PTPRQ: variants seen among roughly 807,000 people sequenced by gnomAD.
PTPRQ encodes protein tyrosine phosphatase receptor type Q.
A neutral mutation model predicts 246.0 loss-of-function variants in PTPRQ; 199 were observed. That is an observed-to-expected ratio of 0.81 (90% confidence interval 0.72 to 0.91). The LOEUF (loss-of-function observed/expected upper bound fraction) is 0.91. Ranked by LOEUF, PTPRQ falls within the 40% of genes least tolerant of loss-of-function variation. The pLI, the probability that PTPRQ is intolerant of heterozygous loss-of-function variation, is 0.00. For missense variants in PTPRQ, 2,624 were observed against 2,528.4 expected (o/e 1.04, Z -0.81); for synonymous variants, 869 against 853.2 (o/e 1.02, Z -0.32).
At chr12:80,598,290 A>T (rs1454880902) in intron 26 of PTPRQ, among the ~76,000 whole-genome samples, 1 of 152,038 alleles carries the variant, frequency 6.6e-6, no homozygotes, top group Non-Finnish European at 1.5e-5. Context: ...TATTTCCTAC[A>T]CTGACAGTGG....
At chr12:80,641,911 C>T (rs951382953) in intron 35 of PTPRQ, among the ~76,000 whole-genome samples, 1 of 151,538 alleles carries the variant, frequency 6.6e-6, no homozygotes, top group African/African-American at 2.4e-5. Context: ...CTCTCTCTTT[C>T]TCTCCCTCCT....
Position 80,588,205 on chromosome 12 carries a change from C to T in PTPRQ, c.4362C>T (p.Asp1454=). The change falls in exon 26 of 45, where the codon GAC becomes GAT. Residue 1454 remains aspartate, a synonymous_variant. Coordinates refer to ENST00000644991, the MANE Select transcript of PTPRQ (RefSeq NM_001145026.2). ...CAACATTGACATGGATAAGACCTGA[C>T]ACTATCCTTGGCTACTTTCAAAATT... ...TSATLTWIRP[D]TILGYFQNYK... is the part of the protein sequence containing the mutation. 6.4e-7 allele frequency: 1 copy of T among 1,551,562 alleles called. No individual in the cohort carries two copies. Among genetic ancestry groups the T allele is most frequent in the Non-Finnish European group, 8.7e-7 (1 of 1,146,902 alleles).
At position 80,619,396 on chromosome 12, in the gene PTPRQ, CA is replaced by C; in HGVS notation, c.5248del (p.Thr1750ProfsTer15). 1 of 1,546,936 alleles carries C rather than the reference CA, an allele frequency of 6.5e-7. No homozygotes were observed. The highest frequency in any genetic ancestry group is 8.7e-7 in the Non-Finnish European group (1 of 1,144,104). ...ITMDIKAPAR[P>X]KTKPTPIYDA... is the part of the protein sequence containing the mutation. The stretch of plus-strand genomic sequence containing the variant: ...TCTTTGTTTATAGCTCCAGCACGAC[CA>C]AAAACCAAACCAACCCCTATTTATG... On this transcript the variant is annotated frameshift_variant, in exon 31 of 45. Transcript: ENST00000644991. LOFTEE classifies it high-confidence loss of function.
At chr12:80,531,509 T>C (rs1895842554) in intron 17 of PTPRQ, among the ~76,000 whole-genome samples, 1 of 152,130 alleles carries the variant, frequency 6.6e-6, no homozygotes, top group Non-Finnish European at 1.5e-5. Context: ...AGCTTCAGGA[T>C]TGCTCAGAAG....
At chr12:80,566,464 C>T (rs1046990762) in intron 25 of PTPRQ, among the ~76,000 whole-genome samples, 5 of 151,664 alleles carry the variant, frequency 3.3e-5, no homozygotes, top group African/African-American at 1.2e-4. Context: ...GGGGACAGAG[C>T]GAGACTCCAT....
At position 80,642,060 on chromosome 12, in the gene PTPRQ, C is replaced by T. The variant is rs1382079002; in HGVS notation, c.5916-6837C>T. On this transcript the variant is annotated intron_variant, in intron 35 of 44. Transcript: ENST00000644991. ...TTTCCTAGAATCAGTGACTAGTACCCTGCTCAATCAGAGCCCTTACCCTGA... is the reference window on the plus strand; with the variant it reads ...TTTCCTAGAATCAGTGACTAGTACCTTGCTCAATCAGAGCCCTTACCCTGA... Among the ~76,000 whole-genome samples the T allele has an allele frequency of 2.0e-5, 3 of 152,000 alleles. No individual in the cohort carries two copies. The East Asian group carries it at 5.8e-4, about 29-fold the overall frequency.
At chr12:80,474,403 T>C (rs1045873751) in intron 8 of PTPRQ, among the ~76,000 whole-genome samples, 1 of 152,186 alleles carries the variant, frequency 6.6e-6, no homozygotes, top group Non-Finnish European at 1.5e-5. Context: ...CAGATACTCA[T>C]AGAAAAATGT....
At chr12:80,611,196 GAAT>G (rs1482778737) in intron 28 of PTPRQ, among the ~76,000 whole-genome samples, 1 of 150,278 alleles carries the variant, frequency 6.7e-6, no homozygotes, top group East Asian at 1.9e-4. Context: ...GGGTCTGAAT[GAAT>G]AATAAGATTG....
rs756377711 is a variant in PTPRQ, at chr12:80,494,897, CCTTT to C, written c.1541-31_1541-28del. The C allele has an allele frequency of 1.9e-4, 285 of 1,496,750 alleles. 4 individuals carry two copies. The South Asian group carries it at 2.7e-3, about 14-fold the overall frequency. The allele number at this position is 1,496,750 out of a possible 1,614,324, so 92.7% of individuals were successfully genotyped here. On this transcript the variant is annotated intron_variant, in intron 10 of 44. Transcript: ENST00000644991. ...ATAATTTTGATTGTGAAGCCAAACA[CCTTT>C]CTTTTTTTCTCTTTTTACTGAATTC...
At chr12:80,471,320 G>A (rs189970219) in intron 7 of PTPRQ, among the ~76,000 whole-genome samples, 1 of 152,086 alleles carries the variant, frequency 6.6e-6, no homozygotes. Flanking sequence ...GAAAGAGCCA[G>A]TTTGTAGTTA....
chr12:80,611,444 T>C (rs1898547924), intron 28 of PTPRQ, among the ~76,000 whole-genome samples: 1 of 150,352 alleles, frequency 6.7e-6, no homozygotes, highest in African/African-American at 2.4e-5. Flanking sequence ...TGTAAAGTTA[T>C]GGTTCTAAAT....
At chr12:80,480,500 AG>A (rs1338885334) in intron 8 of PTPRQ, among the ~76,000 whole-genome samples, 14 of 148,148 alleles carry the variant, frequency 9.5e-5, no homozygotes, top group African/African-American at 3.5e-4. Context: ...AAAAGCTAGC[AG>A]AAGGCAAGAA....
chr12:80,676,792 A>AG (rs1901158805), intron 43 of PTPRQ, among the ~76,000 whole-genome samples: 1 of 152,194 alleles, frequency 6.6e-6, no homozygotes, highest in African/African-American at 2.4e-5. Flanking sequence ...GAACTCATAT[A>AG]GGGGAAGAAA....
intron 14 of PTPRQ, among the ~76,000 whole-genome samples, chr12:80,498,189 G>T (rs1271702783): frequency 1.3e-5 from 2 of 152,004 alleles, no homozygotes; most frequent in African/African-American, 2.4e-5. Flanking sequence ...TGAGAAAAAT[G>T]TCTGCTCTTT....
intron 35 of PTPRQ, among the ~76,000 whole-genome samples, chr12:80,644,414 C>A (rs554264179): frequency 2.0e-5 from 3 of 152,218 alleles, no homozygotes; most frequent in African/African-American, 7.2e-5. Flanking sequence ...CTGACAGTAA[C>A]CTTCACTATC....
intron 5 of PTPRQ, 122 bp from the exon 6 acceptor site, chr12:80,460,530 AC>A (rs1893126034): frequency 2.5e-6 from 1 of 394,862 alleles, no homozygotes; most frequent in East Asian, 3.6e-5. Flanking sequence ...TTTGTCTATA[AC>A]TTTTGCATGT....
intron 8 of PTPRQ, among the ~76,000 whole-genome samples, chr12:80,479,899 C>G (rs1311692434): frequency 1.3e-5 from 2 of 151,508 alleles, no homozygotes; most frequent in Admixed American, 6.6e-5. Flanking sequence ...TACAAAGAGA[C>G]TTAGACTCCC....
intron 6 of PTPRQ, among the ~76,000 whole-genome samples, chr12:80,462,213 T>A (rs1283202531): frequency 4.6e-5 from 7 of 152,076 alleles, no homozygotes; most frequent in Admixed American, 1.3e-4. Context: ...GGAGATTATA[T>A]CCTGCACATG....
At position 80,565,429 on chromosome 12, in the gene PTPRQ, C is replaced by T. The variant is rs113689611; in HGVS notation, c.4285+15695C>T. Among the ~76,000 whole-genome samples the T allele has an allele frequency of 8.2e-3, 1,256 of 152,252 alleles. 10 individuals carry two copies. The highest frequency in any genetic ancestry group is 0.012 in the Non-Finnish European group (834 of 68,014). Reference sequence around the variant, plus strand: ...ATATCTTATTACCCTATTTTCCATTCCTGTCCTATGCAGCTGTAGTTGATA... The same window carrying T: ...ATATCTTATTACCCTATTTTCCATTTCTGTCCTATGCAGCTGTAGTTGATA... On this transcript the variant is annotated intron_variant, in intron 25 of 44. Transcript: ENST00000644991.
Sources: gnomAD v4.1 joint callset for allele counts (sites outside exome capture counted in the v4.1 genomes callset) on GRCh38, gnomAD v4.1.1 for gene constraint, MANE v1.5 for transcripts, NCBI Gene and HGNC (gene_info 2026-07-23, HGNC 2026-07-21) for gene names.